Variants in FYB1 observed in about 807,000 individuals in gnomAD.
The protein encoded by FYB1 is FYN-binding protein 1.
In FYB1, 41 loss-of-function variants were observed where a neutral mutation model predicts 94.1. The observed-to-expected ratio is 0.44, with a 90% CI of 0.34 to 0.57. The LOEUF (loss-of-function observed/expected upper bound fraction) is 0.57. Among genes scored for constraint, FYB1 ranks in the 20% least tolerant of loss-of-function variants. The pLI is 0.02. For missense variants in FYB1, 1,050 were observed against 976.8 expected, an observed-to-expected ratio of 1.07 and a Z score of -1.00; for synonymous variants, 367 against 353.2, an observed-to-expected ratio of 1.04 and a Z score of -0.44.
chr5:39,211,552 G>T (rs943360726), intron 1 of FYB1, among the ~76,000 whole-genome samples: 15 of 151,828 alleles, frequency 9.9e-5, no homozygotes, highest in African/African-American at 3.1e-4. Context: ...CTCTTGATCC[G>T]CCTGCCTCGG....
At chr5:39,132,120 C>T (rs915334943) in intron 9 of FYB1, among the ~76,000 whole-genome samples, 1 of 152,118 alleles carries the variant, frequency 6.6e-6, no homozygotes. Flanking sequence ...GGACAGCTGT[C>T]AGGGGCTGTG....
At chr5:39,256,699 C>T (rs1751955510) in intron 1 of FYB1, among the ~76,000 whole-genome samples, 1 of 152,132 alleles carries the variant, frequency 6.6e-6, no homozygotes, top group Non-Finnish European at 1.5e-5. Context: ...CCCTTCTCTG[C>T]CTCCTAGATG....
At chr5:39,123,147 T>C (rs544783147) in intron 13 of FYB1, among the ~76,000 whole-genome samples, 27 of 152,290 alleles carry the variant, frequency 1.8e-4, no homozygotes, top group Middle Eastern at 3.4e-3. Context: ...GAGATTGAGT[T>C]GAAGAAATTG....
intron 1 of FYB1, among the ~76,000 whole-genome samples, chr5:39,208,523 A>G (rs1749060232): frequency 6.6e-6 from 1 of 152,160 alleles, no homozygotes; most frequent in African/African-American, 2.4e-5. Flanking sequence ...TTCGGTCTCA[A>G]CTGCTGGTTC....
chr5:39,143,696 G>T (rs943023478), intron 3 of FYB1, among the ~76,000 whole-genome samples: 1 of 152,170 alleles, frequency 6.6e-6, no homozygotes, highest in South Asian at 2.1e-4. Context: ...TGGGCTGGAA[G>T]TGACTTTTTA....
rs532850551 is a variant in FYB1 at position 39,272,440 on chromosome 5, G to A, written c.-28+1963C>T. Among the ~76,000 whole-genome samples, 249 of 151,958 alleles carry A rather than the reference G, an allele frequency of 1.6e-3. 2 individuals carry two copies. The highest frequency in any genetic ancestry group is 3.0e-3 in the Non-Finnish European group (205 of 67,946). Reference sequence around the variant, plus strand: ...TGCACTTTGGGAGGCCGAGGCAGGCGGATCATGGGGTCAGGAGATCGAAAC... The same window carrying A: ...TGCACTTTGGGAGGCCGAGGCAGGCAGATCATGGGGTCAGGAGATCGAAAC... On this transcript the variant is annotated intron_variant, in intron 1 of 1. Coordinates refer to the FYB1 transcript ENST00000510188.
At chr5:39,135,248 G>A (rs1741581197) in intron 7 of FYB1, among the ~76,000 whole-genome samples, 1 of 152,200 alleles carries the variant, frequency 6.6e-6, no homozygotes, top group African/African-American at 2.4e-5. Context: ...GGGGTCAGGA[G>A]AGTGAGGCAG....
chr5:39,220,050 C>T (rs746940918), upstream of FYB1, among the ~76,000 whole-genome samples: 1 of 152,156 alleles, frequency 6.6e-6, no homozygotes, highest in African/African-American at 2.4e-5. Context: ...ACTCTGTCGG[C>T]TCTCTGTTAG....
At position 39,155,059 on chromosome 5, in the gene FYB1, A is replaced by G. The variant is rs572870117; in HGVS notation, c.1136-1455T>C. 3.3e-5 allele frequency among the ~76,000 whole-genome samples: 5 copies of G among 152,344 alleles called. No individual in the cohort carries two copies. In the South Asian group the frequency reaches 1.0e-3, roughly 32 times the overall value. ...TTGGATCCTGCTTTTGCCTGTCCAT[A>G]CATTAAAAATATAACACAACGAAGA... On this transcript the variant is annotated intron_variant, in intron 2 of 18. Transcript: ENST00000512982.
intron 1 of FYB1, among the ~76,000 whole-genome samples, chr5:39,210,078 T>C (rs1749224175): frequency 6.6e-6 from 1 of 152,188 alleles, no homozygotes; most frequent in South Asian, 2.1e-4. Context: ...TGCTGCAGGC[T>C]CTGGGCGAAG....
At chr5:39,157,153 C>G (rs1191918392) in intron 2 of FYB1, among the ~76,000 whole-genome samples, 1 of 152,122 alleles carries the variant, frequency 6.6e-6, no homozygotes, top group Non-Finnish European at 1.5e-5. Flanking sequence ...GGGTTTCAAA[C>G]TTGGCCAGAA....
chr5:39,235,372 G>A (rs1173254216), intron 1 of FYB1, among the ~76,000 whole-genome samples: 1 of 151,918 alleles, frequency 6.6e-6, no homozygotes, highest in African/African-American at 2.4e-5. Context: ...TTAGAAAGGG[G>A]TCAGAGCACA....
At chr5:39,186,452 CT>C (rs983608515) in intron 2 of FYB1, among the ~76,000 whole-genome samples, 1 of 152,010 alleles carries the variant, frequency 6.6e-6, no homozygotes, top group Non-Finnish European at 1.5e-5. Context: ...AAAGGCAACA[CT>C]GAGAGAACAG....
chr5:39,219,716 T>A (rs538131742), upstream of FYB1: 1,271 of 479,638 alleles, frequency 2.6e-3, no homozygotes, highest in Non-Finnish European at 3.1e-3. Context: ...CTTAAAAGTG[T>A]CTGTTCAGCC....
At chr5:39,109,316 C>T (rs1334062705) in intron 17 of FYB1, among the ~76,000 whole-genome samples, 1 of 151,984 alleles carries the variant, frequency 6.6e-6, no homozygotes. Flanking sequence ...ATACAATAAA[C>T]ATTTATTAAG....
intron 1 of FYB1, among the ~76,000 whole-genome samples, chr5:39,229,469 T>C (rs1231019275): frequency 6.6e-6 from 1 of 152,144 alleles, no homozygotes; most frequent in Admixed American, 6.6e-5. Context: ...CCAGAATTAG[T>C]TGAAACTCTA....
At chr5:39,124,147 AT>A (rs1178263071) in intron 13 of FYB1, 105 bp downstream of exon 13, 1 of 767,746 alleles carries the variant, frequency 1.3e-6, no homozygotes, top group Non-Finnish European at 2.1e-6. Context: ...ACAATTTATT[AT>A]TTTCAGAGTC....
In FYB1 at chr5:39,215,559, G is replaced by T. The variant is rs139706228; in HGVS notation, c.-28+3884C>A. ...GACTCACCAGCCCAGCCAGCCAGGG[G>T]TGCAAGGGGGAGGGTGTGGCATCCT... is the stretch of plus-strand genomic sequence containing the variant. On this transcript the variant is annotated intron_variant, in intron 1 of 18. Transcript: ENST00000512982. 6.0e-3 allele frequency among the ~76,000 whole-genome samples: 910 copies of T among 152,288 alleles called. 8 individuals are homozygous for T. The highest frequency in any genetic ancestry group is 0.02 in the African/African-American group (851 of 41,558).
chr5:39,210,606 C>CG (rs1749278340), intron 1 of FYB1, among the ~76,000 whole-genome samples: 1 of 152,200 alleles, frequency 6.6e-6, no homozygotes, highest in Non-Finnish European at 1.5e-5. Flanking sequence ...TCTACAAATT[C>CG]GAACCTTCAA....
Sources: gnomAD v4.1 joint callset for allele counts (sites outside exome capture counted in the v4.1 genomes callset) on GRCh38, gnomAD v4.1.1 for gene constraint, MANE v1.5 for transcripts, NCBI Gene and HGNC (gene_info 2026-07-23, HGNC 2026-07-21) for gene names.